The following SAMSN1 variants were observed in gnomAD, a reference collection of about 807,000 sequenced individuals.
SAMSN1 encodes SAM domain, SH3 domain and nuclear localization signals 1.
In SAMSN1, 31 loss-of-function variants were observed where a neutral mutation model predicts 42.0. The observed-to-expected ratio is 0.74, with a 90% CI of 0.55 to 1.00. The LOEUF (loss-of-function observed/expected upper bound fraction) is 1.00. SAMSN1 is among the 50% of genes least tolerant of loss of function. SAMSN1 has a pLI of 0.00. For synonymous variants in SAMSN1, 178 were observed against 151.9 expected (o/e 1.17, Z -1.26); for missense variants, 464 against 439.4 (o/e 1.06, Z -0.50).
At chr21:14,601,222 T>C (rs979503260) in intron 6 of SAMSN1, among the ~76,000 whole-genome samples, 1 of 152,152 alleles carries the variant, frequency 6.6e-6, no homozygotes, top group African/African-American at 2.4e-5. Flanking sequence ...TCTTGTAGCA[T>C]AGGCCTATCA....
chr21:14,580,709 C>A (rs1165420293), intron 2 of SAMSN1, among the ~76,000 whole-genome samples: 2 of 152,192 alleles, frequency 1.3e-5, no homozygotes, highest in African/African-American at 2.4e-5. Context: ...TCTTTGCAGA[C>A]TTAATGCACA....
At chr21:14,631,039 A>T (rs183699441) in intron 2 of SAMSN1, among the ~76,000 whole-genome samples, 21 of 152,278 alleles carry the variant, frequency 1.4e-4, no homozygotes, top group African/African-American at 4.8e-4. Flanking sequence ...CATTTATAAG[A>T]CACTAGACTC....
At chr21:14,597,769 T>G (rs1346113133) in intron 6 of SAMSN1, among the ~76,000 whole-genome samples, 1 of 152,168 alleles carries the variant, frequency 6.6e-6, no homozygotes, top group Non-Finnish European at 1.5e-5. Context: ...GCTCTATGCA[T>G]GTGCCTGTTC....
intron 6 of SAMSN1, among the ~76,000 whole-genome samples, chr21:14,595,863 T>C (rs1982245224): frequency 6.6e-6 from 1 of 152,148 alleles, no homozygotes; most frequent in Admixed American, 6.6e-5. Context: ...GGTTGGATTT[T>C]ATTTTTGACA....
intron 2 of SAMSN1, among the ~76,000 whole-genome samples, chr21:14,616,192 G>A (rs1461027455): frequency 6.6e-6 from 1 of 151,976 alleles, no homozygotes; most frequent in Non-Finnish European, 1.5e-5. Flanking sequence ...TTAGTAATGT[G>A]TCACAGAAGT....
intron 1 of SAMSN1, among the ~76,000 whole-genome samples, chr21:14,654,887 A>G (rs1221631131): frequency 6.6e-6 from 1 of 151,944 alleles, no homozygotes; most frequent in Non-Finnish European, 1.5e-5. Context: ...AGAGAGAAGA[A>G]GAAAAAGAGT....
At chr21:14,553,176 A>G (rs1423239232) in intron 2 of SAMSN1, among the ~76,000 whole-genome samples, 1 of 151,996 alleles carries the variant, frequency 6.6e-6, no homozygotes, top group Non-Finnish European at 1.5e-5. Flanking sequence ...TTACTTCCCA[A>G]CTACCTTATA....
Position 14,546,304 on chromosome 21 carries a change from A to G in SAMSN1, c.-43T>C, listed in dbSNP as rs767894547. 6 of 1,610,982 alleles carry G rather than the reference A, an allele frequency of 3.7e-6. No homozygotes were observed. The South Asian group carries it at 5.5e-5, about 15-fold the overall frequency. The stretch of plus-strand genomic sequence containing the variant: ...CCTAGTGAGTGCACTTTCTGCTGTT[A>G]CAGAAACAACTGAAAACAGTCAGCA... On this transcript the variant is annotated 5_prime_UTR_variant, in exon 1 of 8. Coordinates refer to ENST00000400566, the MANE Select transcript of SAMSN1 (RefSeq NM_022136.5).
intron 2 of SAMSN1, among the ~76,000 whole-genome samples, chr21:14,581,344 C>CTTTGTTTTTTTTTTTT (rs1981715329): frequency 3.1e-5 from 1 of 32,588 alleles, no homozygotes; most frequent in Non-Finnish European, 5.6e-5. Flanking sequence ...AATAATATTT[C>CTTTGTTTTTTTTTTTT]TTTTTTTTTT....
At chr21:14,590,946 A>G (rs952867596) in intron 7 of SAMSN1, among the ~76,000 whole-genome samples, 1 of 152,198 alleles carries the variant, frequency 6.6e-6, no homozygotes, top group African/African-American at 2.4e-5. Flanking sequence ...GGGATTATGA[A>G]CTAGAATTGA....
chr21:14,601,051 A>T (rs1391897296), intron 6 of SAMSN1, among the ~76,000 whole-genome samples: 1 of 152,224 alleles, frequency 6.6e-6, no homozygotes, highest in Non-Finnish European at 1.5e-5. Context: ...TACAGATGAT[A>T]AAAACAGAGG....
chr21:14,545,127 A>G (rs1261812587), intron 1 of SAMSN1, among the ~76,000 whole-genome samples: 1 of 152,178 alleles, frequency 6.6e-6, no homozygotes, highest in African/African-American at 2.4e-5. Context: ...TGTCAGAAAG[A>G]ATTAATATTC....
intron 3 of SAMSN1, among the ~76,000 whole-genome samples, chr21:14,614,813 G>A (rs907137458): frequency 6.6e-6 from 1 of 151,700 alleles, no homozygotes; most frequent in Non-Finnish European, 1.5e-5. Context: ...TCAGGAGAGT[G>A]GTAGGCCAAA....
chr21:14,634,389 T>C (rs962682206), intron 2 of SAMSN1, among the ~76,000 whole-genome samples: 4 of 151,922 alleles, frequency 2.6e-5, no homozygotes, highest in African/African-American at 7.3e-5. Flanking sequence ...ATCTACAGAA[T>C]GGGAGAAAAT....
upstream of SAMSN1, chr21:14,546,323 G>A (rs1186341204): frequency 1.3e-5 from 21 of 1,606,360 alleles, no homozygotes; most frequent in Non-Finnish European, 1.8e-5. Context: ...ACTGAAAACA[G>A]TCAGCAGTGT....
At chr21:14,582,098 C>T in intron 2 of SAMSN1, 2 of 1,488,510 alleles carry the variant, frequency 1.3e-6, no homozygotes, top group Non-Finnish European at 1.8e-6. Context: ...TACAAAACCC[C>T]AGATAAGATG....
intron 1 of SAMSN1, among the ~76,000 whole-genome samples, chr21:14,540,854 T>A (rs1446478268): frequency 6.6e-6 from 1 of 152,188 alleles, no homozygotes; most frequent in Non-Finnish European, 1.5e-5. Flanking sequence ...TGTGGCACTG[T>A]TCACAATAGC....
chr21:14,551,618 T>A (rs561546504), intron 2 of SAMSN1, among the ~76,000 whole-genome samples: 3 of 152,230 alleles, frequency 2.0e-5, no homozygotes, highest in African/African-American at 7.2e-5. Flanking sequence ...AATGATAAAA[T>A]TTAATCCATT....
At chr21:14,590,334 T>A (rs1982045236) in intron 7 of SAMSN1, among the ~76,000 whole-genome samples, 2 of 151,992 alleles carry the variant, frequency 1.3e-5, no homozygotes, top group South Asian at 4.1e-4. Flanking sequence ...CTGGCGTGCA[T>A]TTGCATGATA....
Sources: allele counts gnomAD v4.1 joint callset (sites outside exome capture counted in the v4.1 genomes callset), GRCh38; gene constraint gnomAD v4.1.1; transcripts MANE v1.5; gene names NCBI Gene and HGNC (gene_info 2026-07-23, HGNC 2026-07-21).